Variants in SLC39A10 observed in about 807,000 individuals in gnomAD.
SLC39A10 encodes the protein solute carrier family 39 member 10.
SLC39A10 carries 13 observed loss-of-function variants against 65.1 expected under a neutral mutation model. The observed-to-expected ratio is 0.20, with a 90% CI of 0.13 to 0.32. The LOEUF (loss-of-function observed/expected upper bound fraction) is 0.32. SLC39A10 is among the 10% of genes least tolerant of loss of function. The probability of loss-of-function intolerance (pLI) is 1.00; values close to 1 mark genes in which losing one functional copy is unlikely to be tolerated. For missense variants in SLC39A10, 831 were observed against 1,018.4 expected (o/e 0.82, Z 2.50); for synonymous variants, 321 against 342.2 (o/e 0.94, Z 0.68).
chr2:195,657,333 G>T, intron 1 of SLC39A10, 52 bp downstream of exon 1: 1 of 962,152 alleles, frequency 1.0e-6, no homozygotes. Context: ...AACCGGCCCC[G>T]TGCGCGGCGG....
intron 2 of SLC39A10, among the ~76,000 whole-genome samples, chr2:195,625,035 G>A (rs1006416749): frequency 2.2e-4 from 33 of 149,534 alleles, no homozygotes; most frequent in African/African-American, 8.1e-4. Flanking sequence ...TGGACAACAT[G>A]GTGAAAACCC....
chr2:195,683,265 T>C (rs1305074412), intron 2 of SLC39A10, among the ~76,000 whole-genome samples: 3 of 152,072 alleles, frequency 2.0e-5, no homozygotes, highest in Non-Finnish European at 2.9e-5. Flanking sequence ...CAAAACAATA[T>C]GCTTTTAGAG....
rs186167786 is a variant in SLC39A10 at position 195,661,035 on chromosome 2, A to G, written c.-12+3754A>G. Among the ~76,000 whole-genome samples the G allele has an allele frequency of 1.4e-3, 211 of 152,220 alleles. 1 individual carries two copies. The highest frequency in any genetic ancestry group is 0.012 in the Admixed American group (191 of 15,296). ...AGATTTCCTTTTTTATATCATTAAT[A>G]TTATTTTATGTGAATACTATAATGA... On this transcript the variant is annotated intron_variant, in intron 1 of 9. Coordinates refer to ENST00000359634, the MANE Select transcript of SLC39A10 (RefSeq NM_020342.3).
In SLC39A10 at chr2:195,619,175, C is replaced by T. The variant is rs535552806; in HGVS notation, c.-12+12942C>T. Among the ~76,000 whole-genome samples the T allele has an allele frequency of 2.1e-4, 32 of 149,686 alleles. No homozygotes were observed. The South Asian group carries it at 5.1e-3, about 24-fold the overall frequency. The stretch of plus-strand genomic sequence containing the variant: ...TGAGAGAAACCAAAGGCTTCTAATA[C>T]GGGTAGACCAATCCAGGGATGCTGA... On this transcript the variant is annotated intron_variant, in intron 2 of 2. Transcript: ENST00000458054.
chr2:195,645,746 G>A (rs1412892083), intron 2 of SLC39A10, among the ~76,000 whole-genome samples: 1 of 152,096 alleles, frequency 6.6e-6, no homozygotes, highest in South Asian at 2.1e-4. Flanking sequence ...GTTAATTCAT[G>A]TTGTAGCATG....
chr2:195,685,128 A>G (rs1361704729), intron 3 of SLC39A10, among the ~76,000 whole-genome samples: 1 of 151,860 alleles, frequency 6.6e-6, no homozygotes, highest in Non-Finnish European at 1.5e-5. Flanking sequence ...CAGTAATCCT[A>G]TGAGGGAGAT....
At chr2:195,638,488 T>A (rs1688736594) in intron 2 of SLC39A10, among the ~76,000 whole-genome samples, 1 of 151,958 alleles carries the variant, frequency 6.6e-6, no homozygotes, top group Non-Finnish European at 1.5e-5. Context: ...TACAGGCACC[T>A]GCCACCACAC....
chr2:195,645,686 T>G (rs905670536), intron 2 of SLC39A10, among the ~76,000 whole-genome samples: 3 of 152,238 alleles, frequency 2.0e-5, no homozygotes, highest in Admixed American at 2.0e-4. Context: ...AATCATATAA[T>G]GTCTGTGTTT....
At chr2:195,669,432 TC>T (rs1260078500) in intron 1 of SLC39A10, among the ~76,000 whole-genome samples, 4 of 152,202 alleles carry the variant, frequency 2.6e-5, no homozygotes, top group Non-Finnish European at 4.4e-5. Flanking sequence ...AGATACCTTT[TC>T]TGGGTCTTAG....
At position 195,706,722 on chromosome 2, in the gene SLC39A10, A is replaced by G. The variant is rs139088970; in HGVS notation, c.1323A>G (p.Thr441=). 5 of 1,605,920 alleles carry G rather than the reference A, an allele frequency of 3.1e-6. No individual in the cohort carries two copies. The African/African-American group carries it at 5.4e-5, about 17-fold the overall frequency. The change falls in exon 4 of 10, where the codon ACA becomes ACG. Residue 441 remains threonine, a synonymous_variant. Coordinates refer to ENST00000359634, the MANE Select transcript of SLC39A10 (RefSeq NM_020342.3). ...INQGCFKFLL[T]FLVALAVGTM... is the part of the protein sequence containing the mutation. ...AAGGATGCTTCAAATTCCTTCTTAC[A>G]TTCCTTGTTGCATTAGCTGTAGGAA... is the stretch of plus-strand genomic sequence containing the variant.
chr2:195,699,863 G>C (rs1691110018), intron 3 of SLC39A10, among the ~76,000 whole-genome samples: 1 of 152,058 alleles, frequency 6.6e-6, no homozygotes, highest in South Asian at 2.1e-4. Context: ...ATTGAAAGTG[G>C]AGTACTGAGG....
chr2:195,695,047 G>T (rs1690892812), intron 3 of SLC39A10, among the ~76,000 whole-genome samples: 1 of 152,180 alleles, frequency 6.6e-6, no homozygotes, highest in African/African-American at 2.4e-5. Context: ...CACACAGGAA[G>T]AAGAGGGGCC....
At chr2:195,708,414 T>G (rs1470057378) in intron 4 of SLC39A10, among the ~76,000 whole-genome samples, 4 of 152,210 alleles carry the variant, frequency 2.6e-5, no homozygotes, top group Non-Finnish European at 4.4e-5. Context: ...CTGTAGTATG[T>G]ATCTTATTCT....
intron 2 of SLC39A10, among the ~76,000 whole-genome samples, chr2:195,634,562 G>A (rs972024788): frequency 6.6e-6 from 1 of 152,122 alleles, no homozygotes; most frequent in Non-Finnish European, 1.5e-5. Context: ...TCAAACTCTG[G>A]TAATCAGGAT....
chr2:195,735,153 C>G lies in SLC39A10; in HGVS notation c.*112C>G, dbSNP rs1449707397. ...GAAAGTCAGTGGCTTGCACTACTTACAAGTTTCATAGATTTGAGCCTAACC... is the reference window on the plus strand; with the variant it reads ...GAAAGTCAGTGGCTTGCACTACTTAGAAGTTTCATAGATTTGAGCCTAACC... On this transcript the variant is annotated 3_prime_UTR_variant, in exon 10 of 10. Coordinates refer to ENST00000359634, the MANE Select transcript of SLC39A10 (RefSeq NM_020342.3). 22 of 1,149,216 alleles carry G rather than the reference C, an allele frequency of 1.9e-5. No homozygotes were observed. Among genetic ancestry groups the G allele is most frequent in the Non-Finnish European group, 2.6e-5 (22 of 830,664 alleles). 71.2% of individuals were successfully genotyped at this position (1,149,216 alleles called of 1,614,324 possible).
chr2:195,650,359 T>C (rs367713021), intron 2 of SLC39A10, among the ~76,000 whole-genome samples: 15 of 151,876 alleles, frequency 9.9e-5, no homozygotes, highest in African/African-American at 3.6e-4. Flanking sequence ...TGGGCAAATG[T>C]GTGGTCAACG....
chr2:195,718,357 C>T (rs770018440), intron 8 of SLC39A10, 25 bp downstream of exon 8: 1 of 1,530,740 alleles, frequency 6.5e-7, no homozygotes, highest in Non-Finnish European at 9.0e-7. Flanking sequence ...AAAATTTTAC[C>T]AGATTTCATC....
At chr2:195,636,281 T>C (rs983614671) in intron 2 of SLC39A10, among the ~76,000 whole-genome samples, 2 of 152,236 alleles carry the variant, frequency 1.3e-5, no homozygotes, top group African/African-American at 4.8e-5. Flanking sequence ...TTGACATTTT[T>C]TTCTTACTTT....
intron 3 of SLC39A10, among the ~76,000 whole-genome samples, chr2:195,690,173 GAAA>G (rs34116515): frequency 8.8e-4 from 54 of 61,144 alleles, no homozygotes; most frequent in African/African-American, 2.1e-3. Flanking sequence ...GAGACTCTCT[GAAA>G]AAAAAAAAAA....
Sources: gnomAD v4.1 joint callset for allele counts (sites outside exome capture counted in the v4.1 genomes callset) on GRCh38, gnomAD v4.1.1 for gene constraint, MANE v1.5 for transcripts, NCBI Gene and HGNC (gene_info 2026-07-23, HGNC 2026-07-21) for gene names.